The following ST7L variants were observed in gnomAD, a reference collection of about 807,000 sequenced individuals.
ST7L encodes suppression of tumorigenicity 7 like, also known as suppressor of tumorigenicity 7 protein-like.
Under a neutral mutation model 72.5 loss-of-function variants are expected in ST7L, and 57 were observed. That is an observed-to-expected ratio of 0.79 (90% CI 0.64 to 0.98). The LOEUF is 0.98. ST7L is among the 50% of genes least tolerant of loss of function. ST7L has a pLI of 0.00. For synonymous variants in ST7L, 221 were observed against 240.9 expected, an observed-to-expected ratio of 0.92 and a Z score of 0.77; for missense variants, 576 against 672.2, an observed-to-expected ratio of 0.86 and a Z score of 1.58.
chr1:112,603,464 C>A (rs1435144606), intron 3 of ST7L, among the ~76,000 whole-genome samples: 1 of 152,210 alleles, frequency 6.6e-6, no homozygotes, highest in African/African-American at 2.4e-5. Flanking sequence ...AAGGTATCCA[C>A]AATTTTCTGA....
At chr1:112,557,642 T>G (rs866320176) in intron 11 of ST7L, among the ~76,000 whole-genome samples, 1 of 152,214 alleles carries the variant, frequency 6.6e-6, no homozygotes, top group Non-Finnish European at 1.5e-5. Flanking sequence ...GATAACTCTA[T>G]GTTTAGGAAG....
At chr1:112,546,039 T>C (rs1161076592) in intron 13 of ST7L, among the ~76,000 whole-genome samples, 2 of 151,948 alleles carry the variant, frequency 1.3e-5, no homozygotes, top group East Asian at 1.9e-4. Context: ...AGAAGTGGGA[T>C]TGAGGCTGGG....
At position 112,565,569 on chromosome 1, in the gene ST7L, A is replaced by T. The variant is rs187236571; in HGVS notation, c.1246-9551T>A. Among the ~76,000 whole-genome samples, 80 of 152,290 alleles carry T rather than the reference A, an allele frequency of 5.3e-4. 1 individual carries two copies. The highest frequency in any genetic ancestry group is 1.0e-3 in the Non-Finnish European group (71 of 68,016). On this transcript the variant is annotated intron_variant, in intron 11 of 14. Coordinates refer to ENST00000358039, the MANE Select transcript of ST7L (RefSeq NM_017744.5). ...TCAAATTAGTTATTACCTAACTATTATTACGTTATTAGCTAATTCAAATTA... is the reference window on the plus strand; with the variant it reads ...TCAAATTAGTTATTACCTAACTATTTTTACGTTATTAGCTAATTCAAATTA...
intron 12 of ST7L, among the ~76,000 whole-genome samples, chr1:112,551,138 CTTTTTTTTTTTTTT>C (rs567601091): frequency 1.0e-4 from 8 of 77,208 alleles, no homozygotes; most frequent in African/African-American, 5.1e-4. Flanking sequence ...ATGAGCAGAT[CTTTTTTTTTTTTTT>C]TTTTTTTTTT....
chr1:112,540,929 T>G, intron 14 of ST7L: 1 of 1,013,366 alleles, frequency 9.9e-7, no homozygotes, highest in African/African-American at 1.7e-5. Context: ...GCTTGGAGAC[T>G]TAAAGGCAAT....
intron 5 of ST7L, among the ~76,000 whole-genome samples, chr1:112,591,975 G>A (rs1254954578): frequency 1.3e-5 from 2 of 151,556 alleles, no homozygotes; most frequent in Non-Finnish European, 2.9e-5. Context: ...TTCTGAAAAG[G>A]TTTTATGGAA....
chr1:112,519,779 C>CT, downstream of ST7L, among the ~76,000 whole-genome samples: 1 of 151,478 alleles, frequency 6.6e-6, no homozygotes, highest in East Asian at 1.9e-4. Flanking sequence ...ATATGAGAAA[C>CT]TAAGTTAATG....
chr1:112,520,740 A>G, downstream of ST7L: 1 of 586,854 alleles, frequency 1.7e-6, no homozygotes, highest in Non-Finnish European at 3.0e-6. Context: ...CCCGCTCTGG[A>G]GATTTGAAGG....
At chr1:112,583,832 G>T in intron 7 of ST7L, 140 bp downstream of exon 7, 17 of 913,744 alleles carry the variant, frequency 1.9e-5, no homozygotes, top group Non-Finnish European at 2.8e-5. Context: ...TGGCTTGTAG[G>T]TATTGTGAAT....
intron 1 of ST7L, chr1:112,618,394 C>G (rs983383340): frequency 1.1e-5 from 4 of 368,528 alleles, no homozygotes; most frequent in Non-Finnish European, 1.5e-5. Flanking sequence ...AAAACTATCA[C>G]GAAAACGATT....
downstream of ST7L, chr1:112,520,590 C>T: frequency 7.3e-7 from 1 of 1,375,822 alleles, no homozygotes; most frequent in East Asian, 2.5e-5. Flanking sequence ...CACCTTCCTC[C>T]ACCCTCCACC....
chr1:112,550,624 G>A lies in ST7L; in HGVS notation c.1466C>T (p.Thr489Met), dbSNP rs142542242. The change falls in exon 13 of 15, where the codon ACG (threonine) becomes ATG (methionine). Residue 489 changes from threonine to methionine, a missense_variant. Around this residue, in one of 3 missense-constraint regions of ST7L, gnomAD observed 511 missense variants for 600.7 expected, o/e 0.85. Coordinates refer to ENST00000358039, the MANE Select transcript of ST7L (RefSeq NM_017744.5). ...ACTAGGTAATAGCTCTCTATCAGCC[G>A]TCTCTGTGCAGCTGGGATAAGGGTA... ...LFYPYPSCTE[T>M]ADRELLPTFH... 1.5e-4 allele frequency: 237 copies of A among 1,612,938 alleles called. 2 individuals carry two copies. Among genetic ancestry groups the A allele is most frequent in the Middle Eastern group, 1.2e-3 (7 of 6,054 alleles).
chr1:112,550,827 T>C (rs1466383565), intron 12 of ST7L, 134 bp from the exon 13 acceptor site: 2 of 624,584 alleles, frequency 3.2e-6, no homozygotes, highest in Non-Finnish European at 2.8e-6. Flanking sequence ...AGAAACAAAG[T>C]AAGCAAAATA....
intron 2 of ST7L, among the ~76,000 whole-genome samples, chr1:112,611,762 A>G (rs1009506085): frequency 1.3e-5 from 2 of 152,094 alleles, no homozygotes; most frequent in Non-Finnish European, 2.9e-5. Context: ...AGAATTCTAG[A>G]CCAGCCTGGA....
At chr1:112,607,064 T>C (rs937286310) in intron 3 of ST7L, 12 of 152,236 alleles carry the variant, frequency 7.9e-5, no homozygotes, top group Non-Finnish European at 1.5e-4. Flanking sequence ...TGATAAATAT[T>C]GATGGATATA....
chr1:112,570,146 TA>T (rs1478922926), intron 11 of ST7L, among the ~76,000 whole-genome samples: 13 of 150,478 alleles, frequency 8.6e-5, no homozygotes, highest in Non-Finnish European at 1.5e-4. Flanking sequence ...GTTTGGCAAC[TA>T]AAAAAAAAGT....
downstream of ST7L, among the ~76,000 whole-genome samples, chr1:112,519,237 A>G (rs537161932): frequency 2.0e-5 from 3 of 152,332 alleles, no homozygotes; most frequent in South Asian, 6.2e-4. Flanking sequence ...ATGTATATTT[A>G]TTTATACCTG....
rs1557950729 is a variant in ST7L at position 112,541,946 on chromosome 1, C to T, written c.1629+5G>A. 2.5e-6 allele frequency: 4 copies of T among 1,613,366 alleles called. No individual in the cohort carries two copies. The highest frequency in any genetic ancestry group is 2.5e-6 in the Non-Finnish European group (3 of 1,179,754). Reference sequence around the variant, plus strand: ...ATCTACACAAGTCCTTGAGATCATACTTACAGCTTTAGCAAAAATACCCAT... The same window carrying T: ...ATCTACACAAGTCCTTGAGATCATATTTACAGCTTTAGCAAAAATACCCAT... On this transcript the variant is annotated splice_donor_5th_base_variant and intron_variant, in intron 14 of 14. Coordinates refer to ENST00000358039, the MANE Select transcript of ST7L (RefSeq NM_017744.5).
chr1:112,581,868 C>G, intron 9 of ST7L, 124 bp downstream of exon 9: 1 of 705,082 alleles, frequency 1.4e-6, no homozygotes, highest in Admixed American at 2.9e-5. Context: ...ATAGCAACCT[C>G]TGAGTGCTAA....
Sources: gnomAD v4.1 joint callset for allele counts (sites outside exome capture counted in the v4.1 genomes callset) on GRCh38, gnomAD v4.1.1 for gene constraint, gnomAD v4.1.1 regional missense constraint, MANE v1.5 for transcripts, NCBI Gene and HGNC (gene_info 2026-07-23, HGNC 2026-07-21) for gene names.